The following UNC5D variants were observed in gnomAD, a reference collection of about 807,000 sequenced individuals.
UNC5D encodes the protein unc-5 netrin receptor D, also known as netrin receptor UNC5D.
In UNC5D, 39 loss-of-function variants were observed where a neutral mutation model predicts 105.4. That is an observed-to-expected ratio of 0.37 (90% CI 0.29 to 0.48). The LOEUF is 0.48. UNC5D is among the 20% of genes least tolerant of loss of function. The probability of loss-of-function intolerance (pLI) is 0.98; values close to 1 mark genes in which losing one functional copy is unlikely to be tolerated. For synonymous variants in UNC5D, 452 were observed against 450.4 expected (o/e 1.00, Z -0.04); for missense variants, 991 against 1,202.4 (o/e 0.82, Z 2.60).
At chr8:35,568,657 C>T (rs1048722398) in intron 3 of UNC5D, among the ~76,000 whole-genome samples, 2 of 152,184 alleles carry the variant, frequency 1.3e-5, no homozygotes, top group African/African-American at 4.8e-5. Context: ...CCACTGCACT[C>T]CCACCTGGGT....
chr8:35,594,615 A>G (rs1239577601), intron 3 of UNC5D, among the ~76,000 whole-genome samples: 1 of 152,140 alleles, frequency 6.6e-6, no homozygotes. Context: ...CAAGATTATC[A>G]AAGAGTTGTC....
intron 1 of UNC5D, among the ~76,000 whole-genome samples, chr8:35,306,749 A>AAG (rs1808451300): frequency 6.6e-6 from 1 of 152,134 alleles, no homozygotes; most frequent in African/African-American, 2.4e-5. Flanking sequence ...GTTCATATGG[A>AAG]GTATCTGCTT....
chr8:35,443,699 C>G (rs189466907), intron 1 of UNC5D, among the ~76,000 whole-genome samples: 1 of 152,014 alleles, frequency 6.6e-6, no homozygotes, highest in African/African-American at 2.4e-5. Flanking sequence ...GTTAAATGTA[C>G]AAGACTATTT....
chr8:35,493,467 T>C (rs1811347001), intron 1 of UNC5D, among the ~76,000 whole-genome samples: 1 of 152,094 alleles, frequency 6.6e-6, no homozygotes, highest in African/African-American at 2.4e-5. Context: ...GGAAGCCAGT[T>C]GCTTTAAAAC....
At chr8:35,684,074 C>T (rs949565212) in intron 5 of UNC5D, among the ~76,000 whole-genome samples, 1 of 152,100 alleles carries the variant, frequency 6.6e-6, no homozygotes, top group Non-Finnish European at 1.5e-5. Context: ...CAACACTCAC[C>T]CCAGTTTTTC....
In UNC5D at chr8:35,680,751, A is replaced by C. The variant is rs540094334; in HGVS notation, c.571-2796A>C. 6.6e-5 allele frequency among the ~76,000 whole-genome samples: 10 copies of C among 152,280 alleles called. No individual in the cohort carries two copies. In the South Asian group the frequency reaches 2.1e-3, roughly 32 times the overall value. ...TAGGACTCCTTTAGTTTCAATCTTCAGGAGCACTGCCCACAGGGCTATCTA... is the reference window on the plus strand; with the variant it reads ...TAGGACTCCTTTAGTTTCAATCTTCCGGAGCACTGCCCACAGGGCTATCTA... On this transcript the variant is annotated intron_variant, in intron 4 of 16. Transcript: ENST00000404895.
At chr8:35,440,524 C>A (rs917786527) in intron 1 of UNC5D, among the ~76,000 whole-genome samples, 1 of 151,980 alleles carries the variant, frequency 6.6e-6, no homozygotes, top group Non-Finnish European at 1.5e-5. Flanking sequence ...CTGTTGGCAT[C>A]TTCCTGATGA....
chr8:35,351,334 C>A (rs1053730031), intron 1 of UNC5D, among the ~76,000 whole-genome samples: 4 of 152,164 alleles, frequency 2.6e-5, no homozygotes, highest in African/African-American at 7.2e-5. Flanking sequence ...CAGAGGTGAT[C>A]TTATCCAGGG....
At chr8:35,427,853 A>G (rs1453432556) in intron 1 of UNC5D, among the ~76,000 whole-genome samples, 1 of 152,200 alleles carries the variant, frequency 6.6e-6, no homozygotes, top group Non-Finnish European at 1.5e-5. Flanking sequence ...CTTCTGGGAT[A>G]TATTTCTTTC....
intron 4 of UNC5D, among the ~76,000 whole-genome samples, chr8:35,648,431 C>T (rs532566087): frequency 6.6e-6 from 1 of 152,112 alleles, no homozygotes; most frequent in East Asian, 1.9e-4. Flanking sequence ...GTAATCCCAG[C>T]ACTTTGGGAG....
chr8:35,766,773 C>A, intron 14 of UNC5D, 129 bp from the exon 15 acceptor site: 1 of 1,127,344 alleles, frequency 8.9e-7, no homozygotes, highest in Non-Finnish European at 1.2e-6. Context: ...GCAATTATCT[C>A]TGCTGTGATT....
chr8:35,422,488 G>T (rs1167580243), intron 1 of UNC5D, among the ~76,000 whole-genome samples: 1 of 152,152 alleles, frequency 6.6e-6, no homozygotes, highest in East Asian at 1.9e-4. Context: ...ACCACTCATT[G>T]GATTCAATCA....
intron 1 of UNC5D, among the ~76,000 whole-genome samples, chr8:35,407,771 A>G (rs540035427): frequency 2.0e-5 from 3 of 152,222 alleles, no homozygotes; most frequent in Admixed American, 2.0e-4. Flanking sequence ...GCTCCTGCTT[A>G]TAATTGAGAA....
intron 16 of UNC5D, among the ~76,000 whole-genome samples, chr8:35,784,424 A>G (rs7836205): frequency 0.3 from 45,006 of 152,004 alleles, 10,878 homozygotes; most frequent in African/African-American, 0.67. Context: ...AAGACAAAAT[A>G]ATGCTAAAGT....
At chr8:35,726,791 T>C (rs1008180152) in intron 10 of UNC5D, 66 of 521,196 alleles carry the variant, frequency 1.3e-4, no homozygotes, top group Non-Finnish European at 1.9e-4. Context: ...CCTGAAAGGT[T>C]TGGGTAGTCC....
At chr8:35,297,418 A>G (rs1807575521) in intron 1 of UNC5D, among the ~76,000 whole-genome samples, 1 of 152,156 alleles carries the variant, frequency 6.6e-6, no homozygotes, top group African/African-American at 2.4e-5. Context: ...GTCGTGACCA[A>G]CTGCTTGGAC....
chr8:35,297,023 G>A (rs187605757), intron 1 of UNC5D, among the ~76,000 whole-genome samples: 76 of 152,220 alleles, frequency 5.0e-4, no homozygotes, highest in Admixed American at 1.8e-3. Flanking sequence ...GAACATTTAC[G>A]CAAAACAAAT....
chr8:35,616,064 G>A (rs1299393604), intron 4 of UNC5D, among the ~76,000 whole-genome samples: 1 of 152,060 alleles, frequency 6.6e-6, no homozygotes. Flanking sequence ...GCTAACATTA[G>A]TACATGTGTA....
intron 16 of UNC5D, among the ~76,000 whole-genome samples, chr8:35,781,232 C>T (rs1443294474): frequency 8.5e-5 from 13 of 152,094 alleles, no homozygotes; most frequent in Non-Finnish European, 5.9e-5. Context: ...TGAAACTGCC[C>T]GCTAATATGA....
Sources: gnomAD v4.1 joint callset for allele counts (sites outside exome capture counted in the v4.1 genomes callset) on GRCh38, gnomAD v4.1.1 for gene constraint, MANE v1.5 for transcripts, NCBI Gene and HGNC (gene_info 2026-07-23, HGNC 2026-07-21) for gene names.